CCDC7: variants seen among roughly 807,000 people sequenced by gnomAD.
CCDC7 encodes coiled-coil domain-containing protein 7.
In CCDC7, 183 loss-of-function variants were observed where a neutral mutation model predicts 196.9. The observed-to-expected ratio is 0.93, with a 90% CI of 0.82 to 1.05. The LOEUF (loss-of-function observed/expected upper bound fraction) is 1.05, where lower values mean the gene tolerates loss of function less well. Ranked by LOEUF, CCDC7 falls within the 50% of genes least tolerant of loss-of-function variation. The pLI is 0.00. For missense variants in CCDC7, 1,540 were observed against 1,482.2 expected, an observed-to-expected ratio of 1.04 and a Z score of -0.64; for synonymous variants, 525 against 484.6, an observed-to-expected ratio of 1.08 and a Z score of -1.10.
chr10:32,558,377 G>A (rs535136376), intron 13 of CCDC7, among the ~76,000 whole-genome samples: 140 of 152,158 alleles, frequency 9.2e-4, no homozygotes, highest in African/African-American at 3.1e-3. Context: ...GCTTTTGCTA[G>A]GCTGCTTAGT....
intron 21 of CCDC7, among the ~76,000 whole-genome samples, chr10:32,672,624 C>T (rs543765821): frequency 2.2e-4 from 33 of 152,236 alleles, no homozygotes; most frequent in African/African-American, 7.7e-4. Context: ...TTGGTTACCT[C>T]AGTAGAAAGA....
Position 32,723,713 on chromosome 10 carries a change from C to A in CCDC7, c.2570-3021C>A, listed in dbSNP as rs182116465. ...ATGATACACCCCACAAGATGACACT[C>A]TCACTAAGTTTAACAAGATTTCCTT... On this transcript the variant is annotated intron_variant, in intron 25 of 41. Transcript: ENST00000639629. Among the ~76,000 whole-genome samples, 26 of 152,166 alleles carry A rather than the reference C, an allele frequency of 1.7e-4. No individual in the cohort carries two copies. In the East Asian group the frequency reaches 4.4e-3, roughly 26 times the overall value.
chr10:32,800,707 G>A (rs2084612406), intron 29 of CCDC7, among the ~76,000 whole-genome samples: 1 of 152,146 alleles, frequency 6.6e-6, no homozygotes, highest in South Asian at 2.1e-4. Flanking sequence ...AGTGTAGTGG[G>A]ATCCTTCCTC....
Position 32,705,120 on chromosome 10 carries a change from A to G in CCDC7, c.2459-6500A>G, listed in dbSNP as rs1449658203. On this transcript the variant is annotated intron_variant, in intron 24 of 41. Transcript: ENST00000639629. The stretch of plus-strand genomic sequence containing the variant: ...CTGCATTGCTCATGCTGGGAGCTGT[A>G]GACTGGAGCTGTTCCTATTCGGCCA... Among the ~76,000 whole-genome samples, 5 of 152,148 alleles carry G rather than the reference A, an allele frequency of 3.3e-5. 1 individual carries two copies.
chr10:32,699,974 A>G (rs367555676), intron 24 of CCDC7, among the ~76,000 whole-genome samples: 1 of 149,332 alleles, frequency 6.7e-6, no homozygotes. Context: ...AGATGAGTAG[A>G]TTGCAAAAAT....
intron 11 of CCDC7, among the ~76,000 whole-genome samples, chr10:32,525,297 A>G (rs2048494689): frequency 6.6e-6 from 1 of 152,126 alleles, no homozygotes; most frequent in South Asian, 2.1e-4. Flanking sequence ...TAAGCTCAAT[A>G]ATTGTTTCTC....
Position 32,655,484 on chromosome 10 carries a change from T to G in CCDC7, c.2015-8570T>G, listed in dbSNP as rs541179945. On this transcript the variant is annotated intron_variant, in intron 20 of 41. Transcript: ENST00000639629. ...GCATTTCCCTGATGATTAAAAATGT[T>G]GAGCATTTTTTCATATACTTGTTGA... Among the ~76,000 whole-genome samples, 3 of 152,286 alleles carry G rather than the reference T, an allele frequency of 2.0e-5. No individual in the cohort carries two copies. The East Asian group carries it at 5.8e-4, about 29-fold the overall frequency.
downstream of CCDC7, among the ~76,000 whole-genome samples, chr10:32,881,933 A>T (rs2094804650): frequency 6.6e-6 from 1 of 152,138 alleles, no homozygotes; most frequent in Non-Finnish European, 1.5e-5. Flanking sequence ...AGTTCATCTA[A>T]CTTGCTTAAG....
chr10:32,701,889 C>A (rs1311344622), intron 24 of CCDC7, among the ~76,000 whole-genome samples: 1 of 151,988 alleles, frequency 6.6e-6, no homozygotes, highest in Non-Finnish European at 1.5e-5. Context: ...TTTATTGCGT[C>A]AATTTGATTC....
At position 32,511,629 on chromosome 10, in the gene CCDC7, C is replaced by A. The variant is rs529172212; in HGVS notation, c.873-6316C>A. 3 of 1,584,494 alleles carry A rather than the reference C, an allele frequency of 1.9e-6. No homozygotes were observed. In the African/African-American group the frequency reaches 4.0e-5, roughly 21 times the overall value. ...TTCTGCAACAACTCATTTCTAGAAACAGACATCGTGGTCTTCAGCATCTCA... is the reference window on the plus strand; with the variant it reads ...TTCTGCAACAACTCATTTCTAGAAAAAGACATCGTGGTCTTCAGCATCTCA... On this transcript the variant is annotated intron_variant, in intron 9 of 41. Coordinates refer to ENST00000639629, the Ensembl canonical transcript of CCDC7.
intron 31 of CCDC7, among the ~76,000 whole-genome samples, chr10:32,814,847 G>A (rs564113094): frequency 4.7e-4 from 71 of 152,302 alleles, no homozygotes; most frequent in African/African-American, 1.1e-3. Context: ...CTCTATGACC[G>A]TTGGTGTGAT....
intron 8 of CCDC7, among the ~76,000 whole-genome samples, chr10:32,485,972 G>A (rs184610587): frequency 1.1e-4 from 16 of 151,822 alleles, no homozygotes; most frequent in Middle Eastern, 3.4e-3. Flanking sequence ...TTGTATATTC[G>A]GTTGATTTGG....
At chr10:32,832,898 G>A (rs75034038) in intron 32 of CCDC7, among the ~76,000 whole-genome samples, 21,902 of 151,960 alleles carry the variant, frequency 0.14, 1,932 homozygotes, top group African/African-American at 0.25. Context: ...ATATGTAATA[G>A]GCATGCAATA....
intron 21 of CCDC7, among the ~76,000 whole-genome samples, chr10:32,681,857 A>G (rs1317950885): frequency 1.3e-5 from 2 of 152,084 alleles, no homozygotes; most frequent in African/African-American, 4.8e-5. Context: ...AGTCATATTT[A>G]GAATTCATGG....
At chr10:32,740,214 A>G (rs1287231467) in intron 28 of CCDC7, among the ~76,000 whole-genome samples, 1 of 152,168 alleles carries the variant, frequency 6.6e-6, no homozygotes, top group African/African-American at 2.4e-5. Flanking sequence ...TATATTGTAT[A>G]ATAAAGCCTG....
At chr10:32,880,391 A>T (rs1216962279), downstream of CCDC7, among the ~76,000 whole-genome samples, 1 of 151,832 alleles carries the variant, frequency 6.6e-6, no homozygotes, top group Admixed American at 6.6e-5. Context: ...CTGCTTTTTA[A>T]TGGGGTTTTT....
At chr10:32,638,510 C>T (rs1159232029) in intron 20 of CCDC7, among the ~76,000 whole-genome samples, 2 of 152,086 alleles carry the variant, frequency 1.3e-5, no homozygotes, top group Non-Finnish European at 2.9e-5. Flanking sequence ...GTCTTTGGTT[C>T]TGTTTATATG....
intron 28 of CCDC7, among the ~76,000 whole-genome samples, chr10:32,760,320 C>A (rs2077232492): frequency 6.6e-6 from 1 of 152,006 alleles, no homozygotes; most frequent in African/African-American, 2.4e-5. Context: ...GCACTATTCA[C>A]AATAGCAAAG....
At chr10:32,789,524 T>C (rs1423902870) in intron 29 of CCDC7, among the ~76,000 whole-genome samples, 2 of 151,470 alleles carry the variant, frequency 1.3e-5, no homozygotes, top group African/African-American at 2.4e-5. Context: ...ACAGATCATT[T>C]GAAATTACCC....
Sources: allele counts gnomAD v4.1 joint callset (sites outside exome capture counted in the v4.1 genomes callset), GRCh38; gene constraint gnomAD v4.1.1; transcripts MANE v1.5; gene names NCBI Gene and HGNC (gene_info 2026-07-23, HGNC 2026-07-21).